The following STON2 variants were observed in gnomAD, a reference collection of about 807,000 sequenced individuals.
STON2 encodes the protein stonin 2, also known as stonin-2.
STON2 carries 29 observed loss-of-function variants against 65.7 expected under a neutral mutation model. The observed-to-expected ratio is 0.44, with a 90% CI of 0.33 to 0.60. The LOEUF is 0.60. Among genes scored for constraint, STON2 ranks in the 20% least tolerant of loss-of-function variants. STON2 has a pLI of 0.03. For synonymous variants in STON2, 404 were observed against 414.2 expected (o/e 0.98, Z 0.30); for missense variants, 1,054 against 1,118.1 (o/e 0.94, Z 0.82).
chr14:81,342,949 C>A (rs1897672054), intron 4 of STON2, among the ~76,000 whole-genome samples: 1 of 152,140 alleles, frequency 6.6e-6, no homozygotes, highest in Admixed American at 6.5e-5. Flanking sequence ...GGCCCCAACA[C>A]AAGTCAAGCG....
At chr14:81,370,935 T>G in intron 4 of STON2, 53 bp downstream of exon 4, 1 of 1,548,980 alleles carries the variant, frequency 6.5e-7, no homozygotes. Context: ...AAAGTGGACC[T>G]GGGTACACCA....
intron 3 of STON2, among the ~76,000 whole-genome samples, chr14:81,385,269 T>G (rs1261319225): frequency 6.6e-6 from 1 of 152,258 alleles, no homozygotes; most frequent in Non-Finnish European, 1.5e-5. Flanking sequence ...ATATTCTGTT[T>G]CCTTTTAGAT....
chr14:81,396,172 G>T lies in STON2; in HGVS notation c.95C>A (p.Thr32Lys), dbSNP rs200393974. ...PPFPAHSQGG[T>K]EEHLPGLSSS... Reference sequence around the variant, plus strand: ...TGACAGTCCTGGGAGGTGCTCTTCCGTGCCCCCTGAAACAGATACCAGACG... The same window carrying T: ...TGACAGTCCTGGGAGGTGCTCTTCCTTGCCCCCTGAAACAGATACCAGACG... Residue 32 changes from threonine (T) to lysine (K), a missense_variant, in exon 3 of 8, where the codon ACG becomes AAG. Thr to Lys is a moderately conservative substitution (Grantham distance 78). Coordinates refer to ENST00000614646, the MANE Select transcript of STON2 (RefSeq NM_001394390.1). 1.2e-6 allele frequency: 2 copies of T among 1,606,974 alleles called. No homozygotes were observed. The highest frequency in any genetic ancestry group is 8.5e-7 in the Non-Finnish European group (1 of 1,176,594).
chr14:81,332,489 T>C (rs1276505090), intron 4 of STON2, among the ~76,000 whole-genome samples: 1 of 152,230 alleles, frequency 6.6e-6, no homozygotes, highest in African/African-American at 2.4e-5. Context: ...TAGAAATTCC[T>C]GGGAAGAAGG....
chr14:81,413,344 C>G, intron 2 of STON2: 1 of 906,410 alleles, frequency 1.1e-6, no homozygotes, highest in Non-Finnish European at 1.6e-6. Flanking sequence ...AAGGGAACAC[C>G]TCGATGTTCG....
At chr14:81,289,793 A>G (rs1176855296) in intron 5 of STON2, among the ~76,000 whole-genome samples, 1 of 152,160 alleles carries the variant, frequency 6.6e-6, no homozygotes, top group Non-Finnish European at 1.5e-5. Context: ...CTTACACTGC[A>G]TACCTGTGTC....
At position 81,429,835 on chromosome 14, in the gene STON2, T is replaced by A. The variant is rs1319887434; in HGVS notation, c.-309-2623A>T. On this transcript the variant is annotated intron_variant, in intron 1 of 8. Coordinates refer to the STON2 transcript ENST00000553821. The stretch of plus-strand genomic sequence containing the variant: ...CTGTAATCCCCGCTACTCGGCAGGC[T>A]GAGGCAGGAGAATTGCTTGAACCCG... Among the ~76,000 whole-genome samples, 3 of 151,594 alleles carry A rather than the reference T, an allele frequency of 2.0e-5. No individual in the cohort carries two copies. In the East Asian group the frequency reaches 5.8e-4, roughly 29 times the overall value.
chr14:81,322,388 C>G (rs931632241), intron 5 of STON2, among the ~76,000 whole-genome samples: 3 of 152,122 alleles, frequency 2.0e-5, no homozygotes, highest in South Asian at 2.1e-4. Context: ...AAATTTGAAC[C>G]AGCAATCTCT....
At chr14:81,269,156 C>T (rs773832453) in intron 7 of STON2, 38 of 190,866 alleles carry the variant, frequency 2.0e-4, no homozygotes, top group Non-Finnish European at 2.6e-4. Flanking sequence ...CAGGCACGCA[C>T]CACTGCGCCT....
At chr14:81,397,546 G>T (rs1218040535) in intron 2 of STON2, among the ~76,000 whole-genome samples, 1 of 152,124 alleles carries the variant, frequency 6.6e-6, no homozygotes, top group African/African-American at 2.4e-5. Flanking sequence ...CACCATATTG[G>T]AGAGCATACC....
At position 81,266,998 on chromosome 14, in the gene STON2, A is replaced by C. The variant is rs1894381546; in HGVS notation, c.*1416T>G. ...TTTCTATATCCCAGTGTCAATACAC[A>C]TTTAGACTCCAATGATTGTTCATTG... is the stretch of plus-strand genomic sequence containing the variant. On this transcript the variant is annotated 3_prime_UTR_variant, in exon 8 of 8. Transcript: ENST00000614646. 1.0e-6 allele frequency: 1 copy of C among 985,296 alleles called. No individual in the cohort carries two copies. The highest frequency in any genetic ancestry group is 6.1e-5 in the Admixed American group (1 of 16,262). The allele number at this position is 985,296 out of a possible 1,614,324, so 61.0% of individuals were successfully genotyped here.
At chr14:81,270,232 C>G (rs144277958) in intron 7 of STON2, 15 of 414,650 alleles carry the variant, frequency 3.6e-5, no homozygotes, top group Middle Eastern at 1.2e-3. Flanking sequence ...ACTACATGCA[C>G]AGGCCACCAT....
chr14:81,350,331 A>C (rs1897976612), intron 4 of STON2, among the ~76,000 whole-genome samples: 1 of 152,146 alleles, frequency 6.6e-6, no homozygotes, highest in African/African-American at 2.4e-5. Flanking sequence ...ATATGTACAA[A>C]TACTATGCAC....
chr14:81,400,972 A>T (rs1189505297), upstream of STON2, among the ~76,000 whole-genome samples: 1 of 152,244 alleles, frequency 6.6e-6, no homozygotes, highest in Non-Finnish European at 1.5e-5. Flanking sequence ...CAATGAAAAC[A>T]GCAGGTGACC....
intron 3 of STON2, among the ~76,000 whole-genome samples, chr14:81,382,512 TATC>T (rs1392451973): frequency 1.3e-5 from 2 of 152,074 alleles, no homozygotes; most frequent in African/African-American, 2.4e-5. Flanking sequence ...GTAAGGTAGT[TATC>T]ATCATGAAAC....
chr14:81,268,709 A>C, intron 7 of STON2: 1 of 881,152 alleles, frequency 1.1e-6, no homozygotes, highest in Non-Finnish European at 1.4e-6. Flanking sequence ...CCTTTCCCTC[A>C]TGGTCCACCA....
chr14:81,290,300 C>G (rs1895504314), intron 5 of STON2, among the ~76,000 whole-genome samples: 1 of 152,146 alleles, frequency 6.6e-6, no homozygotes, highest in African/African-American at 2.4e-5. Context: ...TGCCATTCTA[C>G]CAGATTCAAA....
At chr14:81,396,517 T>C (rs1900330762) in intron 2 of STON2, among the ~76,000 whole-genome samples, 1 of 152,108 alleles carries the variant, frequency 6.6e-6, no homozygotes, top group African/African-American at 2.4e-5. Flanking sequence ...CTGAGTCAAG[T>C]GAGACAAGTG....
chr14:81,399,723 G>A (rs1026695400), intron 1 of STON2, among the ~76,000 whole-genome samples: 4 of 152,148 alleles, frequency 2.6e-5, no homozygotes, highest in Non-Finnish European at 4.4e-5. Flanking sequence ...AGGACTCATA[G>A]TACTCTAATT....
Sources: allele counts gnomAD v4.1 joint callset (sites outside exome capture counted in the v4.1 genomes callset), GRCh38; gene constraint gnomAD v4.1.1; transcripts MANE v1.5; gene names NCBI Gene and HGNC (gene_info 2026-07-23, HGNC 2026-07-21).